STK3: variants seen among roughly 807,000 people sequenced by gnomAD.
STK3 encodes serine/threonine-protein kinase 3.
In STK3, 41 loss-of-function variants were observed where a neutral mutation model predicts 58.0. The ratio of observed to expected loss-of-function variants is 0.71; its 90% CI spans 0.55 to 0.92. The LOEUF (loss-of-function observed/expected upper bound fraction) is 0.92, where lower values mean the gene tolerates loss of function less well. Ranked by LOEUF, STK3 falls within the 40% of genes least tolerant of loss-of-function variation. STK3 has a pLI of 0.00. For synonymous variants in STK3, 170 were observed against 191.0 expected, an observed-to-expected ratio of 0.89 and a Z score of 0.91; for missense variants, 479 against 602.7, an observed-to-expected ratio of 0.79 and a Z score of 2.15.
intron 1 of STK3, among the ~76,000 whole-genome samples, chr8:98,778,130 T>C (rs1236410724): frequency 2.0e-5 from 3 of 152,160 alleles, no homozygotes; most frequent in African/African-American, 7.2e-5. Flanking sequence ...AATCTACTCA[T>C]CTGACAAAGG....
At chr8:98,435,448 A>C (rs2131083140) in intron 2 of STK3, among the ~76,000 whole-genome samples, 1 of 152,316 alleles carries the variant, frequency 6.6e-6, no homozygotes, top group Admixed American at 6.5e-5. Context: ...CAGGGTACAG[A>C]TATCCTGACC....
At chr8:98,897,904 C>T (rs183703282) in intron 1 of STK3, among the ~76,000 whole-genome samples, 11 of 152,302 alleles carry the variant, frequency 7.2e-5, no homozygotes, top group East Asian at 3.9e-4. Context: ...TATCAAAACA[C>T]GAGACAGCCC....
intron 7 of STK3, among the ~76,000 whole-genome samples, chr8:98,586,933 C>T (rs1482350567): frequency 2.1e-4 from 32 of 151,726 alleles, no homozygotes; most frequent in Admixed American, 1.4e-3. Context: ...TCTGTGGGAT[C>T]GGTGTTGATA....
At chr8:98,576,820 C>T (rs2131712224) in intron 8 of STK3, among the ~76,000 whole-genome samples, 1 of 152,278 alleles carries the variant, frequency 6.6e-6, no homozygotes, top group East Asian at 1.9e-4. Context: ...TGCTCTAGCT[C>T]ATGGGGGGCT....
At chr8:98,549,199 C>T (rs1810965669) in intron 8 of STK3, among the ~76,000 whole-genome samples, 2 of 152,154 alleles carry the variant, frequency 1.3e-5, no homozygotes, top group South Asian at 4.1e-4. Context: ...TCCACAGTGG[C>T]TATACCATTT....
intron 10 of STK3, among the ~76,000 whole-genome samples, chr8:98,480,733 C>A (rs549362845): frequency 6.6e-6 from 1 of 152,166 alleles, no homozygotes; most frequent in South Asian, 2.1e-4. Flanking sequence ...ATGCTGTACA[C>A]GACTGTCCTC....
the STK3 span, among the ~76,000 whole-genome samples, chr8:98,345,252 A>G: frequency 6.6e-6 from 1 of 152,026 alleles, no homozygotes; most frequent in African/African-American, 2.4e-5. Flanking sequence ...TTAATCATGG[A>G]AAGATGATCC....
At chr8:98,854,930 A>G (rs1836613563) in intron 3 of STK3, among the ~76,000 whole-genome samples, 1 of 152,072 alleles carries the variant, frequency 6.6e-6, no homozygotes, top group Non-Finnish European at 1.5e-5. Context: ...GGTGGTGTGC[A>G]CCTGTAATCC....
At chr8:98,623,306 C>A (rs917712298) in intron 6 of STK3, among the ~76,000 whole-genome samples, 5 of 152,120 alleles carry the variant, frequency 3.3e-5, no homozygotes, top group Non-Finnish European at 7.4e-5. Context: ...TGTGTCCTGT[C>A]CCCCCACCAC....
At position 98,444,678 on chromosome 8, in the gene STK3, A is replaced by C. The variant is rs553333403; in HGVS notation, n.186-7470T>G. Among the ~76,000 whole-genome samples the C allele has an allele frequency of 2.0e-4, 30 of 152,296 alleles. 1 individual carries two copies. In the South Asian group the frequency reaches 6.0e-3, roughly 31 times the overall value. On this transcript the variant is annotated intron_variant and non_coding_transcript_variant, in intron 1 of 3. Transcript: ENST00000517832. Reference sequence around the variant, plus strand: ...AAGATGGTGGCACCAACTGGGCAGAAAATACAAGGGGAATGGCGTTTGGTC... The same window carrying C: ...AAGATGGTGGCACCAACTGGGCAGACAATACAAGGGGAATGGCGTTTGGTC...
At chr8:98,919,250 T>C (rs149783577) in intron 1 of STK3, among the ~76,000 whole-genome samples, 91 of 152,274 alleles carry the variant, frequency 6.0e-4, no homozygotes, top group African/African-American at 2.1e-3. Context: ...TGTCTCTATC[T>C]CCAAAGACCT....
intron 1 of STK3, among the ~76,000 whole-genome samples, chr8:98,806,629 GA>G (rs1833900230): frequency 6.6e-6 from 1 of 152,092 alleles, no homozygotes; most frequent in African/African-American, 2.4e-5. Context: ...CCCAGTATTA[GA>G]AAACACTGGA....
intron 6 of STK3, chr8:98,633,896 G>C (rs958823666): frequency 1.2e-5 from 4 of 322,796 alleles, no homozygotes; most frequent in Non-Finnish European, 2.5e-5. Flanking sequence ...AATTAACCTG[G>C]TAAGTTGTCA....
chr8:98,739,745 G>A (rs1272875330), intron 4 of STK3, among the ~76,000 whole-genome samples: 2 of 149,032 alleles, frequency 1.3e-5, no homozygotes, highest in African/African-American at 5.0e-5. Context: ...GCTGGACGGA[G>A]AATGACTTTG....
At chr8:98,924,360 C>T (rs771283519) in intron 1 of STK3, among the ~76,000 whole-genome samples, 1 of 152,286 alleles carries the variant, frequency 6.6e-6, no homozygotes, top group Non-Finnish European at 1.5e-5. Context: ...GCTTTATGTA[C>T]ACAGGAAAAA....
Position 98,803,390 on chromosome 8 carries a change from G to A in STK3, c.26+22125C>T, listed in dbSNP as rs527446622. ...GCAGATCACGAGGTCAGGAGATGGA[G>A]ACCAGCATCCTAGCTAACATGGTGA... On this transcript the variant is annotated intron_variant, in intron 1 of 10. Transcript: ENST00000419617. 3.3e-5 allele frequency among the ~76,000 whole-genome samples: 5 copies of A among 151,986 alleles called. No homozygotes were observed. The East Asian group carries it at 9.7e-4, about 29-fold the overall frequency.
chr8:98,825,421 G>A (rs1835191114), intron 1 of STK3, 94 bp downstream of exon 1: 4 of 1,182,620 alleles, frequency 3.4e-6, no homozygotes, highest in South Asian at 4.6e-5. Flanking sequence ...CCCGGCGGGC[G>A]GGGAGAGGCT....
chr8:98,532,958 T>C (rs985328552), intron 9 of STK3, among the ~76,000 whole-genome samples: 1 of 151,928 alleles, frequency 6.6e-6, no homozygotes, highest in East Asian at 1.9e-4. Context: ...TTTTTCTTTG[T>C]TTTTTTTATG....
chr8:98,858,319 TATATAGAGAG>T (rs1218306624), intron 3 of STK3, among the ~76,000 whole-genome samples: 19 of 39,960 alleles, frequency 4.8e-4, no homozygotes, highest in African/African-American at 1.7e-3. Flanking sequence ...TATATATATA[TATATAGAGAG>T]AGAGAGAGAG....
Sources: allele counts gnomAD v4.1 joint callset (sites outside exome capture counted in the v4.1 genomes callset), GRCh38; gene constraint gnomAD v4.1.1; transcripts MANE v1.5; gene names NCBI Gene and HGNC (gene_info 2026-07-23, HGNC 2026-07-21).